HPSE2: variants seen among roughly 807,000 people sequenced by gnomAD.
HPSE2 encodes inactive heparanase-2.
Under a neutral mutation model 60.5 loss-of-function variants are expected in HPSE2, and 38 were observed. The ratio of observed to expected loss-of-function variants is 0.63; its 90% CI spans 0.48 to 0.82. The LOEUF is 0.82. Ranked by LOEUF, HPSE2 falls within the 40% of genes least tolerant of loss-of-function variation. The pLI is 0.00. For missense variants in HPSE2, 713 were observed against 740.4 expected (o/e 0.96, Z 0.43); for synonymous variants, 295 against 293.2 (o/e 1.01, Z -0.06).
At chr10:99,030,894 C>T (rs183486529) in intron 3 of HPSE2, among the ~76,000 whole-genome samples, 191 of 152,200 alleles carry the variant, frequency 1.3e-3, no homozygotes, top group African/African-American at 4.5e-3. Context: ...AGACAAACAT[C>T]GCATGTTCTC....
At chr10:99,160,486 C>T (rs1050106184) in intron 2 of HPSE2, among the ~76,000 whole-genome samples, 4 of 152,204 alleles carry the variant, frequency 2.6e-5, no homozygotes, top group East Asian at 1.9e-4. Context: ...GAATGTAAAA[C>T]GCTACAGCCT....
At chr10:98,789,475 T>G (rs1950609175) in intron 3 of HPSE2, among the ~76,000 whole-genome samples, 1 of 152,210 alleles carries the variant, frequency 6.6e-6, no homozygotes, top group African/African-American at 2.4e-5. Flanking sequence ...GAAGTCAAAT[T>G]GCAATGCAGG....
chr10:99,088,079 T>C (rs995093270), intron 3 of HPSE2, among the ~76,000 whole-genome samples: 3 of 151,790 alleles, frequency 2.0e-5, no homozygotes, highest in African/African-American at 7.3e-5. Flanking sequence ...TCACGGCTCA[T>C]GGATTTTTAC....
chr10:98,903,964 G>T (rs1590048131), intron 3 of HPSE2, among the ~76,000 whole-genome samples: 1 of 152,194 alleles, frequency 6.6e-6, no homozygotes, highest in East Asian at 1.9e-4. Context: ...TCTTAAGTCA[G>T]TCATTTAACT....
chr10:99,179,146 A>G (rs1847654243), intron 2 of HPSE2, among the ~76,000 whole-genome samples: 1 of 152,182 alleles, frequency 6.6e-6, no homozygotes, highest in South Asian at 2.1e-4. Flanking sequence ...ACTTATGACA[A>G]ACTCACAACC....
At chr10:99,310,658 G>A in the HPSE2 span, among the ~76,000 whole-genome samples, 1 of 152,218 alleles carries the variant, frequency 6.6e-6, no homozygotes, top group East Asian at 1.9e-4. Context: ...ACAGGGTCCC[G>A]CTCTGTCGCT....
chr10:98,745,462 T>C (rs1589753175), intron 3 of HPSE2, among the ~76,000 whole-genome samples: 1 of 152,132 alleles, frequency 6.6e-6, no homozygotes, highest in Non-Finnish European at 1.5e-5. Flanking sequence ...TCAAAACCAG[T>C]GGATTTTCAA....
intron 8 of HPSE2, among the ~76,000 whole-genome samples, chr10:98,620,069 C>T (rs773598072): frequency 6.6e-5 from 10 of 152,140 alleles, no homozygotes; most frequent in Non-Finnish European, 1.3e-4. Context: ...GTTATAAAAG[C>T]AGTAGCATCG....
At chr10:99,236,196 G>C (rs1589856207), upstream of HPSE2, among the ~76,000 whole-genome samples, 1 of 151,866 alleles carries the variant, frequency 6.6e-6, no homozygotes, top group East Asian at 2.0e-4. Context: ...CGGGAAGGAG[G>C]AGAAAAGGGT....
intron 1 of HPSE2, among the ~76,000 whole-genome samples, chr10:99,234,322 G>C (rs931691143): frequency 6.6e-6 from 1 of 152,186 alleles, no homozygotes; most frequent in African/African-American, 2.4e-5. Context: ...GACCCGACCC[G>C]GGCCAGGGGG....
intron 9 of HPSE2, among the ~76,000 whole-genome samples, chr10:98,547,270 A>G: frequency 7.8e-6 from 1 of 128,842 alleles, no homozygotes; most frequent in African/African-American, 2.9e-5. Context: ...ATCTAGAACT[A>G]GAAATACCAT....
intron 3 of HPSE2, among the ~76,000 whole-genome samples, chr10:99,029,967 T>G (rs1224760237): frequency 6.6e-6 from 1 of 152,224 alleles, no homozygotes; most frequent in Non-Finnish European, 1.5e-5. Context: ...AACGGGCATC[T>G]TCCCAGACAC....
chr10:98,994,759 G>T (rs539343682), intron 3 of HPSE2, among the ~76,000 whole-genome samples: 8 of 152,194 alleles, frequency 5.3e-5, no homozygotes, highest in Admixed American at 2.0e-4. Context: ...TGTAGGAATT[G>T]TGGTCCACTC....
intron 3 of HPSE2, among the ~76,000 whole-genome samples, chr10:98,885,744 C>T (rs1288274434): frequency 6.6e-6 from 1 of 152,042 alleles, no homozygotes; most frequent in Non-Finnish European, 1.5e-5. Flanking sequence ...ATACTTAATA[C>T]ACTATAGTAC....
intron 3 of HPSE2, among the ~76,000 whole-genome samples, chr10:99,054,741 C>T (rs751436656): frequency 5.9e-5 from 9 of 152,194 alleles, no homozygotes; most frequent in Non-Finnish European, 1.0e-4. Context: ...GACGGAGTCT[C>T]GCACTGTGGC....
intron 2 of HPSE2, among the ~76,000 whole-genome samples, chr10:99,190,473 T>C (rs1201443389): frequency 6.6e-6 from 1 of 152,154 alleles, no homozygotes; most frequent in East Asian, 1.9e-4. Context: ...AACAAAAAAC[T>C]AAGGCCTAGC....
chr10:98,517,657 T>A (rs994271986), intron 9 of HPSE2, among the ~76,000 whole-genome samples: 2 of 152,204 alleles, frequency 1.3e-5, no homozygotes, highest in African/African-American at 4.8e-5. Context: ...AATCTTAGTC[T>A]TTGGAATGGA....
At chr10:98,694,120 T>C (rs910461151) in intron 5 of HPSE2, among the ~76,000 whole-genome samples, 173 bp from the exon 6 acceptor site, 5 of 152,158 alleles carry the variant, frequency 3.3e-5, no homozygotes, top group Non-Finnish European at 7.4e-5. Flanking sequence ...GGTCAAACTA[T>C]ACAGAAAGTG....
At chr10:98,978,759 G>A (rs1339360158) in intron 3 of HPSE2, among the ~76,000 whole-genome samples, 1 of 152,132 alleles carries the variant, frequency 6.6e-6, no homozygotes, top group Non-Finnish European at 1.5e-5. Context: ...CAAAACTGTG[G>A]TTTGCAATAA....
Sources: allele counts gnomAD v4.1 joint callset (sites outside exome capture counted in the v4.1 genomes callset), GRCh38; gene constraint gnomAD v4.1.1; transcripts MANE v1.5; gene names NCBI Gene and HGNC (gene_info 2026-07-23, HGNC 2026-07-21).